HKDC1: variants seen among roughly 807,000 people sequenced by gnomAD.
HKDC1 encodes the protein hexokinase HKDC1.
A neutral mutation model predicts 96.6 loss-of-function variants in HKDC1; 66 were observed. The ratio of observed to expected loss-of-function variants is 0.68; its 90% CI spans 0.56 to 0.84. The LOEUF (loss-of-function observed/expected upper bound fraction) is 0.84. Among genes scored for constraint, HKDC1 ranks in the 40% least tolerant of loss-of-function variants. HKDC1 has a pLI of 0.00. For missense variants in HKDC1, 1,211 were observed against 1,208.1 expected (o/e 1.00, Z -0.04); for synonymous variants, 466 against 473.1 (o/e 0.98, Z 0.20).
chr10:69,240,153 A>G (rs1434330677), intron 5 of HKDC1, among the ~76,000 whole-genome samples: 4 of 152,038 alleles, frequency 2.6e-5, no homozygotes, highest in Non-Finnish European at 5.9e-5. Flanking sequence ...AGGATCTCAC[A>G]AACAAAGGCT....
rs1220274415 is a variant in HKDC1 at position 69,248,445 on chromosome 10, G to T, written c.1287G>T (p.Lys429Asn). 6 of 1,578,212 alleles carry T rather than the reference G, an allele frequency of 3.8e-6. No homozygotes were observed. Among genetic ancestry groups the T allele is most frequent in the Non-Finnish European group, 5.2e-6 (6 of 1,158,772 alleles). Residue 429 changes from lysine to asparagine, a missense_variant, in exon 10 of 18, where the codon AAG (lysine) becomes AAT (asparagine). Coordinates refer to ENST00000354624, the MANE Select transcript of HKDC1 (RefSeq NM_025130.4). ...TCAGGTACCCAAAACGCCTGCACAA[G>T]GTGGTGAGGAAACTGGTCCCAAGCT... ...IHPQYPKRLH[K>N]VVRKLVPSCD...
Position 69,263,533 on chromosome 10 carries a change from CG to C in HKDC1, c.2373-2047del, listed in dbSNP as rs1564738450. On this transcript the variant is annotated intron_variant, in intron 16 of 17. Transcript: ENST00000354624. Reference sequence around the variant, plus strand: ...GTCAAATGGATGGGACAGTGTTCTCCGGGGGAAGTGCCCTGAATTTACAGTC... The same window carrying C: ...GTCAAATGGATGGGACAGTGTTCTCCGGGGAAGTGCCCTGAATTTACAGTC... Among the ~76,000 whole-genome samples, 3 of 152,158 alleles carry C rather than the reference CG, an allele frequency of 2.0e-5. No individual in the cohort carries two copies. The South Asian group carries it at 6.2e-4, about 32-fold the overall frequency.
At chr10:69,234,367 A>G (rs1279137762) in intron 4 of HKDC1, among the ~76,000 whole-genome samples, 2 of 152,252 alleles carry the variant, frequency 1.3e-5, no homozygotes, top group Non-Finnish European at 2.9e-5. Flanking sequence ...CCCTTGGACC[A>G]GTTCCTTAAT....
intron 11 of HKDC1, 33 bp downstream of exon 11, chr10:69,250,468 G>C: frequency 6.2e-7 from 1 of 1,611,948 alleles, no homozygotes; most frequent in South Asian, 1.1e-5. Context: ...GGGCTCCGAG[G>C]TGCCAGCCTG....
At chr10:69,231,440 G>T (rs10082520) in intron 2 of HKDC1, among the ~76,000 whole-genome samples, 64,883 of 151,440 alleles carry the variant, frequency 0.43, 14,271 homozygotes, top group East Asian at 0.76. Flanking sequence ...CTCACTCTTA[G>T]CGGATGCTTT....
intron 13 of HKDC1, 86 bp from the exon 14 acceptor site, chr10:69,257,241 A>T (rs1843732676): frequency 1.4e-6 from 2 of 1,449,344 alleles, no homozygotes; most frequent in Non-Finnish European, 1.9e-6. Flanking sequence ...CTGCCTTGGG[A>T]TAACATGCCC....
intron 1 of HKDC1, among the ~76,000 whole-genome samples, chr10:69,221,175 T>C (rs2132324459): frequency 6.6e-6 from 1 of 152,146 alleles, no homozygotes; most frequent in Middle Eastern, 3.4e-3. Flanking sequence ...TTGGGGCAGA[T>C]CTGTTTGTTC....
rs1021299439 is a variant in HKDC1 at position 69,231,276 on chromosome 10, C to T, written c.227-1488C>T. Among the ~76,000 whole-genome samples, 3 of 152,176 alleles carry T rather than the reference C, an allele frequency of 2.0e-5. No homozygotes were observed. In the East Asian group the frequency reaches 5.8e-4, roughly 29 times the overall value. On this transcript the variant is annotated intron_variant, in intron 2 of 17. Coordinates refer to ENST00000354624, the MANE Select transcript of HKDC1 (RefSeq NM_025130.4). ...CCAGAATCTCAGATCTTGGCACTCC[C>T]TAGCTTAAAATCTTTCTGCAGCTCC...
intron 16 of HKDC1, 148 bp downstream of exon 16, chr10:69,261,442 A>G (rs1843809400): frequency 1.5e-6 from 1 of 678,020 alleles, no homozygotes; most frequent in South Asian, 2.0e-5. Context: ...TCTCTTTCCA[A>G]CTGATTCAGG....
At chr10:69,261,632 C>T (rs1843812283) in intron 16 of HKDC1, 3 of 205,320 alleles carry the variant, frequency 1.5e-5, no homozygotes, top group Non-Finnish European at 3.0e-5. Flanking sequence ...AACTACAGTA[C>T]CATTATCACA....
chr10:69,243,408 G>A (rs1843487761), intron 7 of HKDC1, 43 bp downstream of exon 7: 1 of 1,486,712 alleles, frequency 6.7e-7, no homozygotes, highest in Non-Finnish European at 9.0e-7. Context: ...GCACCAGGCA[G>A]TGCCTAATCA....
In HKDC1 at chr10:69,250,546, T is replaced by G; in HGVS notation, c.1730T>G (p.Ile577Ser). The change falls in exon 12 of 18, where the codon ATT becomes AGT. Residue 577 changes from isoleucine to serine, a missense_variant. Transcript: ENST00000354624. Reference protein sequence around the residue: ...QGTGEELFDHIVQCIADFLDY... With the variant: ...QGTGEELFDHSVQCIADFLDY... ...CTCTCTCTGCAGCTCTTTGATCACA[T>G]TGTGCAGTGCATCGCCGACTTCCTG... 1.9e-6 allele frequency: 3 copies of G among 1,614,110 alleles called. No individual in the cohort carries two copies. The highest frequency in any genetic ancestry group is 2.5e-6 in the Non-Finnish European group (3 of 1,179,998).
intron 14 of HKDC1, 138 bp downstream of exon 14, chr10:69,257,564 T>C: frequency 1.4e-6 from 1 of 718,806 alleles, no homozygotes; most frequent in Non-Finnish European, 2.4e-6. Flanking sequence ...CAATTGGGAT[T>C]CCAGGTCACC....
At chr10:69,258,160 T>G (rs1474136668) in intron 14 of HKDC1, among the ~76,000 whole-genome samples, 1 of 152,192 alleles carries the variant, frequency 6.6e-6, no homozygotes, top group Non-Finnish European at 1.5e-5. Context: ...CTCTAACTCT[T>G]ACCCACTTTG....
intron 7 of HKDC1, among the ~76,000 whole-genome samples, chr10:69,243,786 C>T (rs1281168373): frequency 2.6e-5 from 4 of 152,334 alleles, no homozygotes; most frequent in Admixed American, 1.3e-4. Flanking sequence ...CATGAGCCAC[C>T]ATGCATGGCC....
chr10:69,251,593 A>G (rs1222263523), intron 12 of HKDC1, among the ~76,000 whole-genome samples: 2 of 152,222 alleles, frequency 1.3e-5, no homozygotes. Flanking sequence ...CACCTTAACA[A>G]TAGCGAGTTC....
rs201004644 is a variant in HKDC1, at chr10:69,250,580, G to C, written c.1764G>C (p.Met588Ile). Reference sequence around the variant, plus strand: ...GCATCGCCGACTTCCTGGACTACATGGGCCTCAAGGGAGCCTCCCTACCTT... The same window carrying C: ...GCATCGCCGACTTCCTGGACTACATCGGCCTCAAGGGAGCCTCCCTACCTT... The part of the protein sequence containing the change: ...VQCIADFLDY[M>I]GLKGASLPLG... Residue 588 changes from methionine (M) to isoleucine (I), a missense_variant, in exon 12 of 18, where the codon ATG becomes ATC. Coordinates refer to ENST00000354624, the MANE Select transcript of HKDC1 (RefSeq NM_025130.4). 6.2e-7 allele frequency: 1 copy of C among 1,614,054 alleles called. No individual in the cohort carries two copies. Among genetic ancestry groups the C allele is most frequent in the African/African-American group, 1.3e-5 (1 of 75,030 alleles).
rs747724588 is a variant in HKDC1, at chr10:69,261,256, G to A, written c.2334G>A (p.Arg778=). ...RGQISERLRT[R]GIFETKFLSQ... is the part of the protein sequence containing the mutation. ...AGATTTCAGAGCGTCTCCGGACCAGGGGCATCTTCGAAACCAAGTTCCTGT... is the reference window on the plus strand; with the variant it reads ...AGATTTCAGAGCGTCTCCGGACCAGAGGCATCTTCGAAACCAAGTTCCTGT... Residue 778 remains arginine (R), a synonymous_variant, in exon 16 of 18, where the codon AGG becomes AGA. Transcript: ENST00000354624. 3.7e-6 allele frequency: 6 copies of A among 1,614,104 alleles called. No homozygotes were observed. Among genetic ancestry groups the A allele is most frequent in the Non-Finnish European group, 5.1e-6 (6 of 1,180,002 alleles).
In HKDC1 at chr10:69,247,515, G is replaced by A. The variant is rs374002325; in HGVS notation, c.1187G>A (p.Arg396His). ...GCAGCTCTGGCGGCCATCCTGACAC[G>A]CCTCCGGGAGAACAAGAAGGTGGAA... is the stretch of plus-strand genomic sequence containing the variant. ...CAAALAAILT[R>H]LRENKKVERL... The change falls in exon 9 of 18, where the codon CGC (arginine) becomes CAC (histidine). Residue 396 changes from arginine to histidine, a missense_variant. Arg to His is a conservative substitution (Grantham distance 29). Coordinates refer to ENST00000354624, the MANE Select transcript of HKDC1 (RefSeq NM_025130.4). 13 of 1,614,056 alleles carry A rather than the reference G, an allele frequency of 8.1e-6. No homozygotes were observed. Among genetic ancestry groups the A allele is most frequent in the East Asian group, 2.2e-5 (1 of 44,894 alleles).
Sources: gnomAD v4.1 joint callset for allele counts (sites outside exome capture counted in the v4.1 genomes callset) on GRCh38, gnomAD v4.1.1 for gene constraint, MANE v1.5 for transcripts, NCBI Gene and HGNC (gene_info 2026-07-23, HGNC 2026-07-21) for gene names.